The following CBFA2T2 variants were observed in gnomAD, a reference collection of about 807,000 sequenced individuals.
CBFA2T2 encodes the protein protein CBFA2T2.
A neutral mutation model predicts 62.2 loss-of-function variants in CBFA2T2; 11 were observed. The observed-to-expected ratio is 0.18, with a 90% CI of 0.11 to 0.29. The LOEUF (loss-of-function observed/expected upper bound fraction) is 0.29, where lower values mean the gene tolerates loss of function less well. CBFA2T2 is among the 10% of genes least tolerant of loss of function. CBFA2T2 has a pLI of 1.00. For missense variants in CBFA2T2, 592 were observed against 774.1 expected, an observed-to-expected ratio of 0.76 and a Z score of 2.79; for synonymous variants, 295 against 287.5, an observed-to-expected ratio of 1.03 and a Z score of -0.27.
intron 1 of CBFA2T2, among the ~76,000 whole-genome samples, chr20:33,544,601 G>A (rs184874477): frequency 1.0e-3 from 152 of 152,116 alleles, no homozygotes; most frequent in African/African-American, 3.5e-3. Flanking sequence ...AGGCTGGAGC[G>A]TAGTGGCGCG....
intron 1 of CBFA2T2, among the ~76,000 whole-genome samples, chr20:33,543,067 G>T (rs2012448342): frequency 6.6e-6 from 1 of 152,144 alleles, no homozygotes; most frequent in Non-Finnish European, 1.5e-5. Context: ...AGGCTGGAGT[G>T]CAGTGGCATG....
At chr20:33,612,035 C>T (rs1247612157) in intron 3 of CBFA2T2, among the ~76,000 whole-genome samples, 1 of 152,036 alleles carries the variant, frequency 6.6e-6, no homozygotes, top group Non-Finnish European at 1.5e-5. Flanking sequence ...GTTTAATTTT[C>T]AAAACAATGA....
intron 1 of CBFA2T2, among the ~76,000 whole-genome samples, chr20:33,576,238 G>C (rs1282543560): frequency 6.6e-6 from 1 of 152,148 alleles, no homozygotes; most frequent in African/African-American, 2.4e-5. Context: ...GGCATTGCAG[G>C]TGGAGAGCAC....
intron 1 of CBFA2T2, among the ~76,000 whole-genome samples, chr20:33,495,098 G>A (rs1030477408): frequency 6.6e-6 from 1 of 151,904 alleles, no homozygotes; most frequent in South Asian, 2.1e-4. Context: ...AGTTTATTCG[G>A]TAGAAGTAAA....
chr20:33,640,633 T>G, intron 10 of CBFA2T2, 102 bp downstream of exon 10: 1 of 1,030,446 alleles, frequency 9.7e-7, no homozygotes, highest in Non-Finnish European at 1.4e-6. Flanking sequence ...CAGTCCACTC[T>G]TGAGCTCAAT....
Position 33,644,369 on chromosome 20 carries a change from A to C in CBFA2T2, c.1511A>C (p.Lys504Thr). The C allele has an allele frequency of 6.2e-7, 1 of 1,611,556 alleles. No individual in the cohort carries two copies. Reference protein sequence around the residue: ...STENCWNCGRKASETCSGCNI... With the variant: ...STENCWNCGRTASETCSGCNI... ...CAGAACTGCTGGAACTGTGGCCGCA[A>C]AGCCAGCGAGACATGCAGTGGCTGC... The change falls in exon 11 of 11, where the codon AAA becomes ACA. Residue 504 changes from lysine to threonine, a missense_variant. Transcript: ENST00000342704.
At chr20:33,557,101 G>A (rs1460516725) in intron 1 of CBFA2T2, among the ~76,000 whole-genome samples, 2 of 125,758 alleles carry the variant, frequency 1.6e-5, no homozygotes, top group South Asian at 2.8e-4. Context: ...TGCAACCTCC[G>A]CCTCCTGGGT....
At chr20:33,499,027 G>C (rs1393145697) in intron 1 of CBFA2T2, among the ~76,000 whole-genome samples, 1 of 147,814 alleles carries the variant, frequency 6.8e-6, no homozygotes, top group African/African-American at 2.5e-5. Context: ...CTGGGCGAAA[G>C]AGTGAAACTC....
At chr20:33,628,783 A>C (rs2016345510) in intron 7 of CBFA2T2, among the ~76,000 whole-genome samples, 1 of 152,148 alleles carries the variant, frequency 6.6e-6, no homozygotes, top group African/African-American at 2.4e-5. Flanking sequence ...TAATGCTACC[A>C]ATAATTAATG....
chr20:33,497,635 T>G (rs1183641494), intron 1 of CBFA2T2, among the ~76,000 whole-genome samples: 2 of 150,166 alleles, frequency 1.3e-5, no homozygotes, highest in African/African-American at 4.9e-5. Flanking sequence ...CTACAATCTC[T>G]GCCTCCCGGG....
At chr20:33,590,818 T>C (rs1443767438) in intron 1 of CBFA2T2, among the ~76,000 whole-genome samples, 1 of 152,126 alleles carries the variant, frequency 6.6e-6, no homozygotes, top group African/African-American at 2.4e-5. Context: ...GCTGGGGGAA[T>C]ATTAAAAACT....
chr20:33,649,789 G>A lies in CBFA2T2; in HGVS notation c.*5143G>A, dbSNP rs1351623007. 2.6e-5 allele frequency: 4 copies of A among 152,668 alleles called. No homozygotes were observed. Among genetic ancestry groups the A allele is most frequent in the Non-Finnish European group, 2.9e-5 (2 of 68,012 alleles). 9.5% of individuals were successfully genotyped at this position (152,668 alleles called of 1,614,324 possible). ...CCGCTCACAAAAGAAAGCCAATAAT[G>A]TAAATAAATAGAAAACGAAGCCTCC... On this transcript the variant is annotated 3_prime_UTR_variant, in exon 11 of 11. Coordinates refer to ENST00000342704, the MANE Select transcript of CBFA2T2 (RefSeq NM_001032999.3).
At chr20:33,579,713 C>T (rs1243878853) in intron 1 of CBFA2T2, among the ~76,000 whole-genome samples, 1 of 151,932 alleles carries the variant, frequency 6.6e-6, no homozygotes, top group East Asian at 1.9e-4. Context: ...GGTGGTTCGT[C>T]CTCCAACCCT....
chr20:33,504,958 G>T (rs2011375746), intron 1 of CBFA2T2, among the ~76,000 whole-genome samples: 1 of 152,078 alleles, frequency 6.6e-6, no homozygotes, highest in Non-Finnish European at 1.5e-5. Context: ...ATATTCTTTT[G>T]GGGTTAGTGC....
chr20:33,536,430 ACC>A (rs1182872496), intron 1 of CBFA2T2, among the ~76,000 whole-genome samples: 2 of 115,298 alleles, frequency 1.7e-5, no homozygotes, highest in Non-Finnish European at 3.5e-5. Flanking sequence ...CGGGGGGCTG[ACC>A]CCCCCACCTC....
rs140873468 is a variant in CBFA2T2 at position 33,640,250 on chromosome 20, T to C, written c.1298-91T>C. 1.0e-3 allele frequency: 1,218 copies of C among 1,175,942 alleles called. 7 individuals carry two copies. In the African/African-American group the frequency reaches 0.015, roughly 15 times the overall value. The allele number at this position is 1,175,942 out of a possible 1,614,324, so 72.8% of individuals were successfully genotyped here. On this transcript the variant is annotated intron_variant, in intron 9 of 10. Coordinates refer to ENST00000342704, the MANE Select transcript of CBFA2T2 (RefSeq NM_001032999.3). ...CCTGTGGAGTTTTAGAAAAGATCACTTTGTGTCAGCTCTCTCCTTACTTAG... is the reference window on the plus strand; with the variant it reads ...CCTGTGGAGTTTTAGAAAAGATCACCTTGTGTCAGCTCTCTCCTTACTTAG...
chr20:33,563,071 T>A (rs2013149056), intron 1 of CBFA2T2, among the ~76,000 whole-genome samples: 1 of 152,216 alleles, frequency 6.6e-6, no homozygotes, highest in Admixed American at 6.5e-5. Context: ...CATAAAACGC[T>A]CTTTTCTATT....
intron 8 of CBFA2T2, among the ~76,000 whole-genome samples, chr20:33,632,471 CTT>C (rs60957531): frequency 1.6e-4 from 22 of 137,782 alleles, no homozygotes; most frequent in Non-Finnish European, 1.7e-4. Flanking sequence ...TCACCAATGA[CTT>C]TTTTTTTTTT....
chr20:33,642,116 T>TGTGTGTGTGTG (rs1555851384), intron 10 of CBFA2T2, among the ~76,000 whole-genome samples: 49 of 59,052 alleles, frequency 8.3e-4, no homozygotes, highest in South Asian at 7.9e-3. Flanking sequence ...TTTTTTTTTT[T>TGTGTGTGTGTG]TGTGTGTGTG....
Sources: gnomAD v4.1 joint callset for allele counts (sites outside exome capture counted in the v4.1 genomes callset) on GRCh38, gnomAD v4.1.1 for gene constraint, MANE v1.5 for transcripts, NCBI Gene and HGNC (gene_info 2026-07-23, HGNC 2026-07-21) for gene names.